The following CHMP7 variants were observed in gnomAD, a reference collection of about 807,000 sequenced individuals.
CHMP7 encodes the protein charged multivesicular body protein 7.
CHMP7 carries 15 observed loss-of-function variants against 53.7 expected under a neutral mutation model. The observed-to-expected ratio is 0.28, with a 90% CI of 0.19 to 0.43. The LOEUF is 0.43. CHMP7 is among the 20% of genes least tolerant of loss of function. CHMP7 has a pLI of 1.00. For missense variants in CHMP7, 527 were observed against 569.4 expected (o/e 0.93, Z 0.76); for synonymous variants, 261 against 228.0 (o/e 1.14, Z -1.30).
rs950164744 is a variant in CHMP7 at position 23,256,580 on chromosome 8, C to T, written c.778C>T (p.Gln260Ter). The T allele has an allele frequency of 6.2e-7, 1 of 1,613,790 alleles. No individual in the cohort carries two copies. The highest frequency in any genetic ancestry group is 1.3e-5 in the African/African-American group (1 of 74,888). ...LLSRKVESLS[Q>*]EAERCKEEAR... ...CTCACGCAAAGTGGAGTCCTTATCC[C>T]AGGAAGCAGAGAGGTAACTTTTAAC... The change falls in exon 5 of 11, where the codon CAG (glutamine) becomes TAG (stop). Residue 260 changes from glutamine to a stop codon, truncating the protein, a stop_gained. Transcript: ENST00000397677. LOFTEE classifies it high-confidence loss of function.
chr8:23,249,111 A>C, intron 2 of CHMP7, 99 bp from the exon 3 acceptor site: 1 of 1,008,204 alleles, frequency 9.9e-7, no homozygotes, highest in Non-Finnish European at 1.4e-6. Context: ...TCGTGATGAT[A>C]ATGATAAAAT....
intron 3 of CHMP7, among the ~76,000 whole-genome samples, chr8:23,250,673 G>A (rs76297849): frequency 0.11 from 15,866 of 149,928 alleles, 1,007 homozygotes; most frequent in South Asian, 0.26. Flanking sequence ...TGTTGACTGA[G>A]CACCTGGTGA....
At chr8:23,246,047 A>C (rs950926446) in intron 1 of CHMP7, 1 of 152,218 alleles carries the variant, frequency 6.6e-6, no homozygotes, top group Non-Finnish European at 1.5e-5. Context: ...GACCTTTTCA[A>C]AAAATCAGCT....
At chr8:23,252,534 G>GAT (rs1262613689) in intron 3 of CHMP7, 1 of 152,108 alleles carries the variant, frequency 6.6e-6, no homozygotes, top group East Asian at 1.9e-4. Flanking sequence ...GTTAGAGATA[G>GAT]ATATATATAA....
intron 9 of CHMP7, 114 bp downstream of exon 9, chr8:23,259,240 C>T (rs1802279567): frequency 3.7e-6 from 2 of 545,204 alleles, no homozygotes; most frequent in Non-Finnish European, 6.2e-6. Context: ...GGGATCTCGG[C>T]TCACTGCAAG....
intron 7 of CHMP7, 81 bp from the exon 8 acceptor site, chr8:23,258,651 T>A (rs958688787): frequency 8.0e-7 from 1 of 1,246,120 alleles, no homozygotes; most frequent in Non-Finnish European, 1.2e-6. Flanking sequence ...ACCCCAAAGC[T>A]GCCTTTTGGA....
intron 3 of CHMP7, chr8:23,255,025 G>C (rs1057403151): frequency 6.8e-6 from 4 of 584,856 alleles, no homozygotes; most frequent in Non-Finnish European, 1.2e-5. Flanking sequence ...CTGGCTCCCA[G>C]CATCTCATGT....
intron 7 of CHMP7, 111 bp from the exon 8 acceptor site, chr8:23,258,621 G>A (rs1010165823): frequency 9.2e-6 from 11 of 1,199,784 alleles, no homozygotes; most frequent in Non-Finnish European, 1.1e-5. Flanking sequence ...GGTAAATTGA[G>A]CTTGGGTGCC....
intron 4 of CHMP7, 140 bp from the exon 5 acceptor site, chr8:23,256,320 C>CTG: frequency 1.5e-6 from 1 of 682,090 alleles, no homozygotes; most frequent in Non-Finnish European, 2.7e-6. Flanking sequence ...CAGACCTCCA[C>CTG]AGGGGATTCC....
At chr8:23,254,446 G>A (rs573140207) in intron 3 of CHMP7, among the ~76,000 whole-genome samples, 3 of 152,272 alleles carry the variant, frequency 2.0e-5, no homozygotes, top group Non-Finnish European at 4.4e-5. Flanking sequence ...CCAGGCTGGA[G>A]TGCAGTGGCG....
chr8:23,245,179 G>A (rs1460194659), intron 1 of CHMP7, among the ~76,000 whole-genome samples: 1 of 152,200 alleles, frequency 6.6e-6, no homozygotes, highest in African/African-American at 2.4e-5. Flanking sequence ...GACTAGGAAT[G>A]GTGTGAGCAG....
chr8:23,254,301 G>A (rs1401945246), intron 3 of CHMP7, among the ~76,000 whole-genome samples: 2 of 151,902 alleles, frequency 1.3e-5, no homozygotes, highest in South Asian at 2.1e-4. Flanking sequence ...ATGTATGAGC[G>A]AAATGGTGAC....
At position 23,243,768 on chromosome 8, in the gene CHMP7, A is replaced by C. The variant is rs1021910335; in HGVS notation, c.-517A>C. On this transcript the variant is annotated 5_prime_UTR_variant, in exon 1 of 11. Transcript: ENST00000397677. ...CCAGTTTGCATTTCCACCAGCAATGAATGAGAGTTCCTGTTGCTCTGCATC... is the reference window on the plus strand; with the variant it reads ...CCAGTTTGCATTTCCACCAGCAATGCATGAGAGTTCCTGTTGCTCTGCATC... The C allele has an allele frequency of 1.3e-5, 2 of 157,316 alleles. No individual in the cohort carries two copies. Among genetic ancestry groups the C allele is most frequent in the South Asian group, 2.0e-4 (1 of 4,980 alleles). The allele number at this position is 157,316 out of a possible 1,614,324, so 9.7% of individuals were successfully genotyped here. A position where few individuals can be genotyped will look rare whatever the true frequency, so the allele number is the denominator to read the frequency against.
chr8:23,245,875 C>T (rs1276746861), intron 1 of CHMP7, among the ~76,000 whole-genome samples: 1 of 152,186 alleles, frequency 6.6e-6, no homozygotes, highest in East Asian at 1.9e-4. Flanking sequence ...GTGTCCATTT[C>T]GTCTAGGTTA....
At chr8:23,254,347 A>T (rs1802043794) in intron 3 of CHMP7, among the ~76,000 whole-genome samples, 1 of 151,938 alleles carries the variant, frequency 6.6e-6, no homozygotes, top group African/African-American at 2.4e-5. Flanking sequence ...TACTCTTGTC[A>T]CTAATCTTAT....
At chr8:23,248,741 C>A (rs1801806055) in intron 2 of CHMP7, among the ~76,000 whole-genome samples, 1 of 152,236 alleles carries the variant, frequency 6.6e-6, no homozygotes, top group Non-Finnish European at 1.5e-5. Context: ...CGTATCCTCA[C>A]CCTTGCCTTG....
Position 23,252,033 on chromosome 8 carries a change from G to A in CHMP7, c.471+2652G>A, listed in dbSNP as rs191834521. Among the ~76,000 whole-genome samples the A allele has an allele frequency of 4.2e-4, 63 of 150,970 alleles. 1 individual carries two copies. The highest frequency in any genetic ancestry group is 1.4e-3 in the African/African-American group (59 of 41,270). On this transcript the variant is annotated intron_variant, in intron 3 of 10. Coordinates refer to ENST00000397677, the MANE Select transcript of CHMP7 (RefSeq NM_152272.5). The stretch of plus-strand genomic sequence containing the variant: ...AGTCTCCCCACATCCTTGTCAGCAC[G>A]GGATGACATCAGTCTTTTAAATCTT...
At chr8:23,258,675 T>G in intron 7 of CHMP7, 57 bp from the exon 8 acceptor site, 1 of 1,332,410 alleles carries the variant, frequency 7.5e-7, no homozygotes, top group Non-Finnish European at 1.1e-6. Context: ...GAAACAATAT[T>G]GTATGTATTT....
At chr8:23,257,538 A>G (rs1802185980) in intron 5 of CHMP7, among the ~76,000 whole-genome samples, 1 of 152,218 alleles carries the variant, frequency 6.6e-6, no homozygotes, top group Non-Finnish European at 1.5e-5. Context: ...TGGACAAGAC[A>G]GGTCCCTGCC....
Sources: allele counts gnomAD v4.1 joint callset (sites outside exome capture counted in the v4.1 genomes callset), GRCh38; gene constraint gnomAD v4.1.1; transcripts MANE v1.5; gene names NCBI Gene and HGNC (gene_info 2026-07-23, HGNC 2026-07-21).